The following ABCA4 variants were observed in gnomAD, a reference collection of about 807,000 sequenced individuals.
ABCA4 encodes the protein retinal-specific phospholipid-transporting ATPase ABCA4.
Under a neutral mutation model 263.7 loss-of-function variants are expected in ABCA4, and 196 were observed. The observed-to-expected ratio is 0.74, with a 90% CI of 0.66 to 0.84. ABCA4 has a LOEUF of 0.84. Ranked by LOEUF, ABCA4 falls within the 40% of genes least tolerant of loss-of-function variation. The probability of loss-of-function intolerance (pLI) is 0.00; values close to 1 mark genes in which losing one functional copy is unlikely to be tolerated. For missense variants in ABCA4, 2,792 were observed against 2,855.1 expected (o/e 0.98, Z 0.50); for synonymous variants, 1,133 against 1,094.2 (o/e 1.04, Z -0.70).
chr1:94,111,294 C>T (rs112591902), intron 3 of ABCA4, 144 bp downstream of exon 3: 10 of 1,172,452 alleles, frequency 8.5e-6, no homozygotes, highest in South Asian at 7.3e-5. Context: ...AGAGAGGAAA[C>T]CTGCTCTGCT....
At chr1:94,027,946 C>T (rs917734269) in intron 30 of ABCA4, among the ~76,000 whole-genome samples, 5 of 152,184 alleles carry the variant, frequency 3.3e-5, no homozygotes, top group African/African-American at 1.2e-4. Context: ...GCACCACCCA[C>T]GTAGACTTTT....
chr1:94,041,359 G>A lies in ABCA4; in HGVS notation c.3372C>T (p.Asp1124=). Residue 1124 remains aspartate (D), a synonymous_variant, in exon 23 of 50, where the codon GAC becomes GAT. Coordinates refer to ENST00000370225, the MANE Select transcript of ABCA4 (RefSeq NM_000350.3). ...IMSTHHMDEA[D]LLGDRIAIIA... is the part of the protein sequence containing the mutation. Reference sequence around the variant, plus strand: ...TGATGGCAATGCGGTCCCCAAGGAGGTCGGCCTCGTCCATGTGGTGAGTGG... The same window carrying A: ...TGATGGCAATGCGGTCCCCAAGGAGATCGGCCTCGTCCATGTGGTGAGTGG... 1 of 1,614,184 alleles carries A rather than the reference G, an allele frequency of 6.2e-7. No individual in the cohort carries two copies. Among genetic ancestry groups the A allele is most frequent in the Non-Finnish European group, 8.5e-7 (1 of 1,180,052 alleles).
intron 26 of ABCA4, among the ~76,000 whole-genome samples, chr1:94,033,577 T>C (rs3789393): frequency 0.53 from 80,582 of 152,058 alleles, 21,522 homozygotes; most frequent in Middle Eastern, 0.57. Context: ...GCTCATTTGC[T>C]GAACAACTAT....
Position 94,031,901 on chromosome 1 carries a change from T to TG in ABCA4, c.4004dup (p.Glu1336ArgfsTer86). The TG allele has an allele frequency of 6.2e-7, 1 of 1,614,120 alleles. No homozygotes were observed. Among genetic ancestry groups the TG allele is most frequent in the Non-Finnish European group, 8.5e-7 (1 of 1,180,008 alleles). ...GCTGCGGGCCTGGGCACTCTGGCTC[T>TG]GGGGGAGGCTGGCCCTCTGGGTGAG... On this transcript the variant is annotated frameshift_variant, in exon 27 of 50. Coordinates refer to ENST00000370225, the MANE Select transcript of ABCA4 (RefSeq NM_000350.3). LOFTEE classifies it high-confidence loss of function.
intron 40 of ABCA4, among the ~76,000 whole-genome samples, chr1:94,010,252 G>A (rs1198914659): frequency 2.6e-5 from 4 of 152,326 alleles, no homozygotes; most frequent in African/African-American, 7.2e-5. Context: ...AAGAGCCTGC[G>A]GAAGAATGGC....
At chr1:94,015,526 G>A (rs1202002794) in intron 37 of ABCA4, among the ~76,000 whole-genome samples, 3 of 152,188 alleles carry the variant, frequency 2.0e-5, no homozygotes, top group East Asian at 1.9e-4. Context: ...TCACTGACAG[G>A]ACCAGGCCTC....
intron 16 of ABCA4, 32 bp from the exon 17 acceptor site, chr1:94,051,730 CGAA>C: frequency 6.5e-7 from 1 of 1,542,534 alleles, no homozygotes; most frequent in Non-Finnish European, 9.0e-7. Context: ...CAGAGAAAGT[CGAA>C]GGAGTCTCCC....
intron 6 of ABCA4, among the ~76,000 whole-genome samples, chr1:94,084,820 C>T (rs1405808492): frequency 2.0e-5 from 3 of 152,084 alleles, no homozygotes; most frequent in Admixed American, 6.5e-5. Flanking sequence ...GGGTGCTGGG[C>T]AAAGCACTTT....
rs1659893517 is a variant in ABCA4, at chr1:94,021,408, A to G, written c.4850T>C (p.Val1617Ala). The change falls in exon 35 of 50, where the codon GTG becomes GCG. Residue 1617 changes from valine (V) to alanine (A), a missense_variant and splice_region_variant. Coordinates refer to ENST00000370225, the MANE Select transcript of ABCA4 (RefSeq NM_000350.3). ...KHLETEDNIKVWFNNKGWHAL... is the reference protein window; with the variant it reads ...KHLETEDNIKAWFNNKGWHAL... ...ATGCCAGCCTTTGTTATTAAACCACACCTAGAGGGTGGAGAGGACATCTGA... is the reference window on the plus strand; with the variant it reads ...ATGCCAGCCTTTGTTATTAAACCACGCCTAGAGGGTGGAGAGGACATCTGA... 1 of 1,614,216 alleles carries G rather than the reference A, an allele frequency of 6.2e-7. No homozygotes were observed. Among genetic ancestry groups the G allele is most frequent in the Non-Finnish European group, 8.5e-7 (1 of 1,180,030 alleles).
At chr1:94,015,889 C>T (rs1179138360) in intron 36 of ABCA4, 35 bp from the exon 37 acceptor site, 43 of 1,563,528 alleles carry the variant, frequency 2.8e-5, no homozygotes, top group Non-Finnish European at 3.5e-5. Flanking sequence ...GTCACTTAAC[C>T]TCTCAGACCT....
chr1:94,011,067 C>T lies in ABCA4; in HGVS notation c.5585-138G>A, dbSNP rs1295141803. 2.6e-6 allele frequency: 4 copies of T among 1,544,212 alleles called. No homozygotes were observed. The African/African-American group carries it at 4.1e-5, about 16-fold the overall frequency. On this transcript the variant is annotated intron_variant, in intron 39 of 49. Coordinates refer to ENST00000370225, the MANE Select transcript of ABCA4 (RefSeq NM_000350.3). ...AAACACCCGCCTCATAAGGGCTGCC[C>T]TCCATCCCTCCTGTGGCTCCCCAGC...
intron 16 of ABCA4, among the ~76,000 whole-genome samples, chr1:94,052,957 C>T (rs1660879559): frequency 6.6e-6 from 1 of 152,212 alleles, no homozygotes; most frequent in Admixed American, 6.5e-5. Flanking sequence ...TCACCAGAAA[C>T]ACCACACATG....
intron 31 of ABCA4, 40 bp from the exon 32 acceptor site, chr1:94,023,458 T>C: frequency 6.6e-7 from 1 of 1,513,002 alleles, no homozygotes. Flanking sequence ...ATACCACAAG[T>C]ACAGCAGTGC....
chr1:94,067,477 A>G (rs1404041306), intron 11 of ABCA4, among the ~76,000 whole-genome samples: 1 of 152,214 alleles, frequency 6.6e-6, no homozygotes, highest in Non-Finnish European at 1.5e-5. Context: ...TCTGGGGGAA[A>G]AAAAACTTAA....
At chr1:94,116,467 G>C (rs995342910) in intron 1 of ABCA4, among the ~76,000 whole-genome samples, 3 of 152,128 alleles carry the variant, frequency 2.0e-5, no homozygotes, top group African/African-American at 7.2e-5. Context: ...GTTGAGAACC[G>C]CTGCTCTAGG....
chr1:94,111,308 A>G, intron 3 of ABCA4, 130 bp downstream of exon 3: 3 of 1,291,434 alleles, frequency 2.3e-6, no homozygotes, highest in Non-Finnish European at 3.3e-6. Context: ...CTCTGCTCCT[A>G]AGAGGTTAGG....
chr1:94,029,670 A>T, intron 29 of ABCA4, 39 bp from the exon 30 acceptor site: 2 of 1,588,330 alleles, frequency 1.3e-6, no homozygotes, highest in South Asian at 2.3e-5. Context: ...ATCAGCCTCA[A>T]AGTTGCTGAC....
At chr1:94,102,628 C>A (rs555280936) in intron 5 of ABCA4, among the ~76,000 whole-genome samples, 1 of 152,226 alleles carries the variant, frequency 6.6e-6, no homozygotes, top group African/African-American at 2.4e-5. Flanking sequence ...AATGGAAGCT[C>A]CCTGGCCTGG....
intron 6 of ABCA4, among the ~76,000 whole-genome samples, chr1:94,098,000 G>T (rs1301181988): frequency 3.3e-5 from 5 of 152,046 alleles, no homozygotes; most frequent in African/African-American, 9.7e-5. Flanking sequence ...CTCATGATCC[G>T]CCCGCCTCGG....
Sources: gnomAD v4.1 joint callset for allele counts (sites outside exome capture counted in the v4.1 genomes callset) on GRCh38, gnomAD v4.1.1 for gene constraint, MANE v1.5 for transcripts, NCBI Gene and HGNC (gene_info 2026-07-23, HGNC 2026-07-21) for gene names.